The following AIG1 variants were observed in gnomAD, a reference collection of about 807,000 sequenced individuals.
The protein encoded by AIG1 is androgen-induced gene 1 protein.
A neutral mutation model predicts 31.4 loss-of-function variants in AIG1; 23 were observed. The observed-to-expected ratio is 0.73, with a 90% confidence interval of 0.53 to 1.04. The LOEUF is 1.04. AIG1 is among the 50% of genes least tolerant of loss of function. The pLI is 0.00. For missense variants in AIG1, 274 were observed against 295.0 expected (o/e 0.93, Z 0.52); for synonymous variants, 100 against 110.5 (o/e 0.90, Z 0.60).
At chr6:143,202,861 AT>A (rs1790814394) in intron 3 of AIG1, among the ~76,000 whole-genome samples, 1 of 152,184 alleles carries the variant, frequency 6.6e-6, no homozygotes, top group African/African-American at 2.4e-5. Context: ...AACATGGAAA[AT>A]ATTTTAAGAT....
At chr6:143,278,374 G>T (rs1036001696) in intron 3 of AIG1, among the ~76,000 whole-genome samples, 3 of 151,876 alleles carry the variant, frequency 2.0e-5, no homozygotes, top group Non-Finnish European at 4.4e-5. Context: ...ATTGCATAGT[G>T]AAAAGTTTAT....
intron 3 of AIG1, among the ~76,000 whole-genome samples, chr6:143,245,750 C>A (rs976393085): frequency 5.9e-5 from 9 of 152,142 alleles, no homozygotes; most frequent in Non-Finnish European, 1.2e-4. Flanking sequence ...TGAACACTTT[C>A]CTTGGGAGCC....
At chr6:143,221,538 G>T (rs1724969647) in intron 3 of AIG1, among the ~76,000 whole-genome samples, 1 of 152,032 alleles carries the variant, frequency 6.6e-6, no homozygotes, top group African/African-American at 2.4e-5. Context: ...AGAAAAATAT[G>T]ATACAGCAGC....
At chr6:143,096,381 A>T (rs1257034640) in intron 1 of AIG1, among the ~76,000 whole-genome samples, 1 of 152,218 alleles carries the variant, frequency 6.6e-6, no homozygotes, top group Non-Finnish European at 1.5e-5. Context: ...TACATGAATG[A>T]ATATAAATTG....
Position 143,225,069 on chromosome 6 carries a change from A to G in AIG1, c.400-59041A>G, listed in dbSNP as rs575829569. ...TAATTCCAAGCACTGTCCTTTGTCT[A>G]TACCAGGTTCTTGGCAAACTCTACC... On this transcript the variant is annotated intron_variant, in intron 3 of 5. Coordinates refer to ENST00000357847, the MANE Select transcript of AIG1 (RefSeq NM_016108.4). 1.1e-4 allele frequency among the ~76,000 whole-genome samples: 16 copies of G among 152,076 alleles called. No individual in the cohort carries two copies. In the South Asian group the frequency reaches 3.3e-3, roughly 32 times the overall value.
chr6:143,342,855 C>G (rs1180647144), downstream of AIG1: 1 of 825,322 alleles, frequency 1.2e-6, no homozygotes, highest in East Asian at 2.4e-5. Flanking sequence ...CCTCAAAAGT[C>G]CGTTGTTCTC....
chr6:143,086,516 C>A (rs528145657), intron 1 of AIG1, among the ~76,000 whole-genome samples: 1 of 152,094 alleles, frequency 6.6e-6, no homozygotes, highest in Non-Finnish European at 1.5e-5. Flanking sequence ...AAGGCCCTGG[C>A]AAGGATGGTG....
At chr6:143,319,577 C>T (rs1562589835) in intron 4 of AIG1, among the ~76,000 whole-genome samples, 2 of 152,252 alleles carry the variant, frequency 1.3e-5, no homozygotes, top group East Asian at 3.9e-4. Flanking sequence ...CACAAAAGAA[C>T]TTATCCATGT....
Position 143,258,244 on chromosome 6 carries a change from C to G in AIG1, c.400-25866C>G, listed in dbSNP as rs901586322. On this transcript the variant is annotated intron_variant, in intron 3 of 5. Coordinates refer to ENST00000357847, the MANE Select transcript of AIG1 (RefSeq NM_016108.4). This position sits in a 1 kb window ranked among gnomAD's most constrained non-coding sequence, Gnocchi z 4.7. ...ACAAAAGCCTTCCACCCTGTCTCAT[C>G]TGTCACTAAATGGGAGACTATTGAT... Among the ~76,000 whole-genome samples, 2 of 152,250 alleles carry G rather than the reference C, an allele frequency of 1.3e-5. No individual in the cohort carries two copies. The highest frequency in any genetic ancestry group is 2.4e-5 in the African/African-American group (1 of 41,478).
rs1023947327 is a variant in AIG1, at chr6:143,330,592, A to C, written c.516-2690A>C. The stretch of plus-strand genomic sequence containing the variant: ...TAGGGCCTTGAAGAACCATCTAGGG[A>C]CTCTGGCTTGTACTCTGAGTGGGAG... On this transcript the variant is annotated intron_variant, in intron 4 of 5. Coordinates refer to ENST00000357847, the MANE Select transcript of AIG1 (RefSeq NM_016108.4). This position sits in a 1 kb window ranked among gnomAD's most constrained non-coding sequence, Gnocchi z 4.4. 6.6e-6 allele frequency among the ~76,000 whole-genome samples: 1 copy of C among 151,990 alleles called. No homozygotes were observed. Among genetic ancestry groups the C allele is most frequent in the Non-Finnish European group, 1.5e-5 (1 of 68,006 alleles).
chr6:143,091,891 A>G (rs1282597308), intron 1 of AIG1, among the ~76,000 whole-genome samples: 1 of 152,178 alleles, frequency 6.6e-6, no homozygotes, highest in Non-Finnish European at 1.5e-5. Context: ...TTCCTCTATA[A>G]AATAGTAAAT....
At chr6:143,267,226 T>C (rs1583673896) in intron 3 of AIG1, among the ~76,000 whole-genome samples, 1 of 152,224 alleles carries the variant, frequency 6.6e-6, no homozygotes, top group East Asian at 1.9e-4. Flanking sequence ...AAGGGTCCTC[T>C]GAAGCCACGT....
At chr6:143,099,690 A>G (rs180836769) in intron 1 of AIG1, 1 of 152,314 alleles carries the variant, frequency 6.6e-6, no homozygotes, top group East Asian at 1.9e-4. Context: ...CTTTATCCAA[A>G]TAGAAATAGT....
At chr6:143,060,098 A>G (rs1378191194), upstream of AIG1, among the ~76,000 whole-genome samples, 1 of 152,196 alleles carries the variant, frequency 6.6e-6, no homozygotes, top group African/African-American at 2.4e-5. Context: ...TTATTTGAAA[A>G]TCCTTTCTTT....
rs1466876690 is a variant in AIG1 at position 143,249,759 on chromosome 6, T to A, written c.400-34351T>A. ...GTGTCTTTTGCTTCAACCCCCCCTA[T>A]GTTTGCTGATGCCCTATGTGTGTTT... is the stretch of plus-strand genomic sequence containing the variant. On this transcript the variant is annotated intron_variant, in intron 3 of 5. Transcript: ENST00000357847. Among the ~76,000 whole-genome samples the A allele has an allele frequency of 2.0e-5, 3 of 152,290 alleles. No homozygotes were observed. In the East Asian group the frequency reaches 5.8e-4, roughly 29 times the overall value.
intron 4 of AIG1, among the ~76,000 whole-genome samples, chr6:143,323,498 G>T (rs1430162862): frequency 1.3e-5 from 2 of 152,094 alleles, no homozygotes; most frequent in Admixed American, 6.5e-5. Context: ...TATCAAAAAT[G>T]GACTTCTACA....
At chr6:143,086,241 T>C (rs897722707) in intron 1 of AIG1, among the ~76,000 whole-genome samples, 2 of 152,222 alleles carry the variant, frequency 1.3e-5, no homozygotes, top group Middle Eastern at 3.2e-3. Context: ...CAAGGTAGTA[T>C]TGGAGTGTTA....
rs1362943233 is a variant in AIG1 at position 143,327,958 on chromosome 6, G to A, written c.516-5324G>A. 2.0e-5 allele frequency among the ~76,000 whole-genome samples: 3 copies of A among 152,152 alleles called. No homozygotes were observed. Among genetic ancestry groups the A allele is most frequent in the Non-Finnish European group, 4.4e-5 (3 of 68,028 alleles). On this transcript the variant is annotated intron_variant, in intron 4 of 5. Transcript: ENST00000357847. This position sits in a 1 kb window ranked among gnomAD's most constrained non-coding sequence, Gnocchi z 5.3. ...AGAATAGAGGAGAGATCTGGGTTAG[G>A]ATATAAGTTTGTAAAATACCTGTGT...
At chr6:143,154,206 T>C (rs912928153) in intron 2 of AIG1, among the ~76,000 whole-genome samples, 1 of 151,700 alleles carries the variant, frequency 6.6e-6, no homozygotes, top group African/African-American at 2.4e-5. Context: ...TCTAAAGATA[T>C]GTTTTTTTTC....
Sources: gnomAD v4.1 joint callset for allele counts (sites outside exome capture counted in the v4.1 genomes callset) on GRCh38, gnomAD v4.1.1 for gene constraint, Gnocchi (gnomAD v3.1) non-coding constraint, MANE v1.5 for transcripts, NCBI Gene and HGNC (gene_info 2026-07-23, HGNC 2026-07-21) for gene names.